Variants in PRDM12 observed in about 807,000 individuals in gnomAD.
PRDM12 encodes PR/SET domain 12.
In PRDM12, 17 loss-of-function variants were observed where a neutral mutation model predicts 29.6. The ratio of observed to expected loss-of-function variants is 0.57; its 90% CI spans 0.39 to 0.86. The LOEUF is 0.86. Among genes scored for constraint, PRDM12 ranks in the 40% least tolerant of loss-of-function variants. PRDM12 has a pLI of 0.00. For synonymous variants in PRDM12, 231 were observed against 225.8 expected (o/e 1.02, Z -0.21); for missense variants, 422 against 510.8 (o/e 0.83, Z 1.68).
At chr9:130,676,971 G>C (rs550429518) in intron 3 of PRDM12, among the ~76,000 whole-genome samples, 176 of 152,156 alleles carry the variant, frequency 1.2e-3, no homozygotes, top group African/African-American at 4.0e-3. Context: ...TGGTCACCCA[G>C]GCTGGAGTGT....
chr9:130,666,766 G>A lies in PRDM12; in HGVS notation c.382G>A (p.Asp128Asn), dbSNP rs947795020. 6.2e-7 allele frequency: 1 copy of A among 1,611,856 alleles called. No homozygotes were observed. The highest frequency in any genetic ancestry group is 8.5e-7 in the Non-Finnish European group (1 of 1,179,256). Residue 128 changes from aspartate to asparagine, a missense_variant, in exon 2 of 5, where the codon GAC (aspartate) becomes AAC (asparagine). Coordinates refer to ENST00000253008, the MANE Select transcript of PRDM12 (RefSeq NM_021619.3). ...CCGCGTGATCGCCCCGGAGCACGTG[G>A]ACATCTGCAAGAACAACAACCTCAT... ...TGRVIAPEHV[D>N]ICKNNNLMWE...
At chr9:130,678,901 C>T (rs1830867948) in intron 4 of PRDM12, among the ~76,000 whole-genome samples, 1 of 151,984 alleles carries the variant, frequency 6.6e-6, no homozygotes, top group Non-Finnish European at 1.5e-5. Flanking sequence ...GTGGGGGAGA[C>T]CAGAGAGGCA....
chr9:130,670,928 T>A (rs1234611378), intron 3 of PRDM12, among the ~76,000 whole-genome samples: 1 of 152,020 alleles, frequency 6.6e-6, no homozygotes, highest in African/African-American at 2.4e-5. Flanking sequence ...TCAGGAAACA[T>A]GAATAGACAC....
At position 130,665,046 on chromosome 9, in the gene PRDM12, C is replaced by T. The variant is rs542403483; in HGVS notation, c.223+170C>T. Among the ~76,000 whole-genome samples the T allele has an allele frequency of 6.1e-3, 935 of 152,188 alleles. 12 individuals are homozygous for T. Among genetic ancestry groups the T allele is most frequent in the African/African-American group, 0.018 (767 of 41,538 alleles). On this transcript the variant is annotated intron_variant, in intron 1 of 4. Coordinates refer to ENST00000253008, the MANE Select transcript of PRDM12 (RefSeq NM_021619.3). Reference sequence around the variant, plus strand: ...AGTTTCCCCATGGGCCAAACCAGGACGCGAGCCACCAAGCAGCTCCGCAGC... The same window carrying T: ...AGTTTCCCCATGGGCCAAACCAGGATGCGAGCCACCAAGCAGCTCCGCAGC...
Position 130,681,717 on chromosome 9 carries a change from A to ACCCCGGCC in PRDM12, c.*51_*58dup. On this transcript the variant is annotated 3_prime_UTR_variant, in exon 5 of 5. Coordinates refer to ENST00000253008, the MANE Select transcript of PRDM12 (RefSeq NM_021619.3). This position sits in a 1 kb window ranked among gnomAD's most constrained non-coding sequence, Gnocchi z 8.1. ...CCCCGCGCGCTCCTGGGTCCCCGGC[A>ACCCCGGCC]CCCCGGCCCCGCAGCGCGACTCGCC... 2.0e-6 allele frequency: 2 copies of ACCCCGGCC among 978,532 alleles called. No individual in the cohort carries two copies. Among genetic ancestry groups the ACCCCGGCC allele is most frequent in the South Asian group, 4.6e-5 (1 of 21,894 alleles). The allele number at this position is 978,532 out of a possible 1,614,324, so 60.6% of individuals were successfully genotyped here.
Position 130,681,135 on chromosome 9 carries a change from C to G in PRDM12, c.683-113C>G, listed in dbSNP as rs1276521823. On this transcript the variant is annotated intron_variant, in intron 4 of 4. Coordinates refer to ENST00000253008, the MANE Select transcript of PRDM12 (RefSeq NM_021619.3). This position sits in a 1 kb window ranked among gnomAD's most constrained non-coding sequence, Gnocchi z 8.1. Reference sequence around the variant, plus strand: ...GCAGCACCCACCCTCAAGGACGGACCGGCCCCGGGCTGGGGGCGCTGAGGG... The same window carrying G: ...GCAGCACCCACCCTCAAGGACGGACGGGCCCCGGGCTGGGGGCGCTGAGGG... The G allele has an allele frequency of 1.8e-6, 2 of 1,141,766 alleles. No individual in the cohort carries two copies. The allele number at this position is 1,141,766 out of a possible 1,614,324, so 70.7% of individuals were successfully genotyped here.
chr9:130,678,191 G>A (rs753513644), intron 3 of PRDM12, among the ~76,000 whole-genome samples: 3 of 151,888 alleles, frequency 2.0e-5, no homozygotes, highest in Non-Finnish European at 2.9e-5. Flanking sequence ...CTAGTTCCCC[G>A]GGGTAAGAAT....
intron 4 of PRDM12, among the ~76,000 whole-genome samples, chr9:130,680,659 A>ATATTTTTTTTTTTTTTT: frequency 1.4e-5 from 1 of 72,200 alleles, no homozygotes; most frequent in Non-Finnish European, 2.2e-5. Flanking sequence ...ATATATATAT[A>ATATTTTTTTTTTTTTTT]TTTTTTTTTT....
chr9:130,677,637 GC>G (rs996632386), intron 3 of PRDM12, among the ~76,000 whole-genome samples: 2 of 152,224 alleles, frequency 1.3e-5, no homozygotes, highest in Non-Finnish European at 2.9e-5. Flanking sequence ...CCTGGCTAGG[GC>G]CTGGAGCTTC....
intron 2 of PRDM12, among the ~76,000 whole-genome samples, chr9:130,667,537 C>CT (rs539797278): frequency 1.1e-3 from 160 of 152,112 alleles, no homozygotes; most frequent in Admixed American, 1.6e-3. Context: ...TCCAGCTCCC[C>CT]CCGGCGGACC....
chr9:130,668,327 T>G lies in PRDM12; in HGVS notation c.570+14T>G. On this transcript the variant is annotated intron_variant, in intron 3 of 4. Transcript: ENST00000253008. The surrounding 1 kb of genome is among the most constrained non-coding windows in gnomAD (Gnocchi z 4.0). Reference sequence around the variant, plus strand: ...AAGGCCATTGAGGTGTGTGTGTGTGTGTGCACTGTTGTGTAGGGACCAGCC... The same window carrying G: ...AAGGCCATTGAGGTGTGTGTGTGTGGGTGCACTGTTGTGTAGGGACCAGCC... The G allele has an allele frequency of 6.2e-7, 1 of 1,613,610 alleles. No homozygotes were observed. The highest frequency in any genetic ancestry group is 1.1e-5 in the South Asian group (1 of 91,074).
Position 130,664,664 on chromosome 9 carries a change from C to G in PRDM12, c.11C>G (p.Ser4Cys). ...AGCTCCGGGCCGCCCATGATGGGCT[C>G]CGTGCTCCCGGCTGAGGCCCTGGTG... Reference protein sequence around the residue: MMGSVLPAEALVLK... With the variant: MMGCVLPAEALVLK... Residue 4 changes from serine to cysteine, a missense_variant, in exon 1 of 5, where the codon TCC becomes TGC. Ser to Cys is a moderately radical substitution (Grantham distance 112). Transcript: ENST00000253008. The surrounding 1 kb of genome is among the most constrained non-coding windows in gnomAD (Gnocchi z 6.4). The G allele has an allele frequency of 6.3e-7, 1 of 1,593,676 alleles. No individual in the cohort carries two copies. The highest frequency in any genetic ancestry group is 1.1e-5 in the South Asian group (1 of 89,002).
rs1375245708 is a variant in PRDM12, at chr9:130,681,412, T to C, written c.847T>C (p.Ser283Pro). The C allele has an allele frequency of 1.2e-6, 2 of 1,600,512 alleles. No individual in the cohort carries two copies. Among genetic ancestry groups the C allele is most frequent in the South Asian group, 2.2e-5 (2 of 89,514 alleles). Reference protein sequence around the residue: ...CRFCNRRFSQSSTLRNHVRLH... With the variant: ...CRFCNRRFSQPSTLRNHVRLH... ...CTTCTGCAACCGCCGCTTCAGCCAG[T>C]CGTCCACGCTGCGCAACCACGTGCG... Residue 283 changes from serine to proline, a missense_variant, in exon 5 of 5, where the codon TCG becomes CCG. Physicochemically the swap from Ser to Pro is moderately conservative, Grantham distance 74. Around this residue, in one of 5 missense-constraint regions of PRDM12, gnomAD observed 24 missense variants for 64.0 expected, o/e 0.38. Transcript: ENST00000253008. The surrounding 1 kb of genome is among the most constrained non-coding windows in gnomAD (Gnocchi z 8.1).
chr9:130,671,911 A>G (rs1480754833), intron 3 of PRDM12, among the ~76,000 whole-genome samples: 2 of 152,228 alleles, frequency 1.3e-5, no homozygotes, highest in African/African-American at 4.8e-5. Flanking sequence ...TTTATTCAAT[A>G]AGCAGAATAT....
chr9:130,673,159 G>T (rs529592344), intron 3 of PRDM12, among the ~76,000 whole-genome samples: 1 of 152,340 alleles, frequency 6.6e-6, no homozygotes, highest in South Asian at 2.1e-4. Context: ...GAGAGTCCCA[G>T]CCAGCCAGGC....
At chr9:130,674,404 C>T (rs888253042) in intron 3 of PRDM12, among the ~76,000 whole-genome samples, 1 of 152,070 alleles carries the variant, frequency 6.6e-6, no homozygotes, top group African/African-American at 2.4e-5. Context: ...CCACCTCGGC[C>T]TCTCAAAATG....
chr9:130,673,477 T>A (rs918055921), intron 3 of PRDM12, among the ~76,000 whole-genome samples: 1 of 152,096 alleles, frequency 6.6e-6, no homozygotes, highest in Non-Finnish European at 1.5e-5. Context: ...TCTGGAAATA[T>A]GTGTCATTCT....
At chr9:130,673,907 G>A (rs1830811693) in intron 3 of PRDM12, among the ~76,000 whole-genome samples, 1 of 151,836 alleles carries the variant, frequency 6.6e-6, no homozygotes, top group South Asian at 2.1e-4. Context: ...CCAACCTCAG[G>A]TGATTCGCCC....
At chr9:130,680,659 A>ATATATATATATATATATTTTTTT in intron 4 of PRDM12, among the ~76,000 whole-genome samples, 4 of 72,164 alleles carry the variant, frequency 5.5e-5, no homozygotes, top group African/African-American at 1.6e-4. Context: ...ATATATATAT[A>ATATATATATATATATATTTTTTT]TTTTTTTTTT....
Sources: allele counts gnomAD v4.1 joint callset (sites outside exome capture counted in the v4.1 genomes callset), GRCh38; gene constraint gnomAD v4.1.1; regional missense constraint gnomAD v4.1.1; non-coding constraint Gnocchi (gnomAD v3.1); transcripts MANE v1.5; gene names NCBI Gene and HGNC (gene_info 2026-07-23, HGNC 2026-07-21).